HECW1: variants seen among roughly 807,000 people sequenced by gnomAD.
HECW1 encodes the protein E3 ubiquitin-protein ligase HECW1.
HECW1 carries 61 observed loss-of-function variants against 182.3 expected under a neutral mutation model. The ratio of observed to expected loss-of-function variants is 0.33; its 90% CI spans 0.27 to 0.41. The LOEUF (loss-of-function observed/expected upper bound fraction) is 0.41. HECW1 is among the 10% of genes least tolerant of loss of function. HECW1 has a pLI of 1.00. For missense variants in HECW1, 1,739 were observed against 2,108.9 expected, an observed-to-expected ratio of 0.82 and a Z score of 3.44; for synonymous variants, 859 against 832.6, an observed-to-expected ratio of 1.03 and a Z score of -0.55.
At chr7:43,250,923 G>A (rs914702216) in intron 3 of HECW1, among the ~76,000 whole-genome samples, 1 of 152,208 alleles carries the variant, frequency 6.6e-6, no homozygotes, top group Non-Finnish European at 1.5e-5. Context: ...GAGGGCATAT[G>A]ACCTTCAGAT....
intron 2 of HECW1, among the ~76,000 whole-genome samples, chr7:43,166,350 G>C (rs995105939): frequency 6.6e-6 from 1 of 152,170 alleles, no homozygotes; most frequent in South Asian, 2.1e-4. Context: ...CTCCCAAAGT[G>C]CTAAGATTAT....
intron 5 of HECW1, among the ~76,000 whole-genome samples, chr7:43,342,829 T>C (rs1035829131): frequency 5.3e-5 from 8 of 151,230 alleles, no homozygotes; most frequent in Admixed American, 5.3e-4. Flanking sequence ...ATCGAGACCA[T>C]CCTGGCTAAC....
chr7:43,537,953 C>T (rs1351757177), intron 24 of HECW1, among the ~76,000 whole-genome samples: 1 of 152,172 alleles, frequency 6.6e-6, no homozygotes, highest in South Asian at 2.1e-4. Flanking sequence ...GAAACCCCGT[C>T]GCCACACCCC....
intron 8 of HECW1, among the ~76,000 whole-genome samples, chr7:43,425,965 CAG>C (rs972401477): frequency 3.3e-5 from 5 of 152,044 alleles, no homozygotes; most frequent in African/African-American, 9.7e-5. Context: ...TGAGAGAAAA[CAG>C]AGTCATGGGA....
chr7:43,246,674 A>T (rs935035821), intron 3 of HECW1, among the ~76,000 whole-genome samples: 1 of 152,242 alleles, frequency 6.6e-6, no homozygotes, highest in Non-Finnish European at 1.5e-5. Context: ...TCACCCAAAG[A>T]TGGCTTTCTA....
intron 6 of HECW1, among the ~76,000 whole-genome samples, chr7:43,364,663 C>A (rs986096152): frequency 1.3e-5 from 2 of 152,170 alleles, no homozygotes; most frequent in East Asian, 1.9e-4. Flanking sequence ...TACAAAGGCA[C>A]GGGGTGAGAA....
intron 3 of HECW1, among the ~76,000 whole-genome samples, chr7:43,300,673 G>A (rs572649183): frequency 9.2e-5 from 14 of 152,122 alleles, no homozygotes; most frequent in South Asian, 4.2e-4. Flanking sequence ...GTGTTCATCC[G>A]GGGCACTTTG....
chr7:43,456,390 C>G lies in HECW1; in HGVS notation c.2594C>G (p.Thr865Ser). The stretch of plus-strand genomic sequence containing the variant: ...TGGCAGCGTCCGACGGCAGCAGCCA[C>G]CCCGGATGGCATGCGGAGATCGGGG... Reference protein sequence around the residue: ...TTWQRPTAAATPDGMRRSGSI... With the variant: ...TTWQRPTAAASPDGMRRSGSI... Residue 865 changes from threonine to serine, a missense_variant, in exon 13 of 30, where the codon ACC becomes AGC. This residue lies in a region of HECW1 where 971 missense variants were observed against 1,029.1 expected (regional missense o/e 0.94). Transcript: ENST00000395891. The G allele has an allele frequency of 6.2e-7, 1 of 1,614,128 alleles. No individual in the cohort carries two copies. Among genetic ancestry groups the G allele is most frequent in the South Asian group, 1.1e-5 (1 of 91,044 alleles).
At chr7:43,471,786 T>G (rs1413306102) in intron 16 of HECW1, among the ~76,000 whole-genome samples, 1 of 152,164 alleles carries the variant, frequency 6.6e-6, no homozygotes, top group Non-Finnish European at 1.5e-5. Flanking sequence ...AGGCAGCCTC[T>G]GCTAAGGAAT....
intron 2 of HECW1, among the ~76,000 whole-genome samples, chr7:43,210,565 C>T (rs1179107921): frequency 6.6e-6 from 1 of 152,010 alleles, no homozygotes; most frequent in Non-Finnish European, 1.5e-5. Flanking sequence ...TGTTCGCTAA[C>T]CTGGGGTTCT....
At chr7:43,134,012 G>A (rs1787241163) in intron 2 of HECW1, among the ~76,000 whole-genome samples, 1 of 152,040 alleles carries the variant, frequency 6.6e-6, no homozygotes, top group Non-Finnish European at 1.5e-5. Flanking sequence ...GTCCATCTTC[G>A]GAAAATATAA....
intron 3 of HECW1, among the ~76,000 whole-genome samples, chr7:43,277,473 C>A (rs1264581457): frequency 6.6e-6 from 1 of 152,130 alleles, no homozygotes; most frequent in Admixed American, 6.5e-5. Flanking sequence ...GAGGAAGGGG[C>A]TTTACTGGCC....
intron 2 of HECW1, among the ~76,000 whole-genome samples, chr7:43,157,256 CA>C (rs2152652292): frequency 6.6e-6 from 1 of 152,210 alleles, no homozygotes; most frequent in South Asian, 2.1e-4. Context: ...TAGGAAACTC[CA>C]GAGTTTTCAT....
At chr7:43,215,530 G>A (rs1052606609) in intron 2 of HECW1, among the ~76,000 whole-genome samples, 2 of 152,140 alleles carry the variant, frequency 1.3e-5, no homozygotes, top group African/African-American at 2.4e-5. Context: ...AGGTTAAATC[G>A]TTAACAAATG....
intron 3 of HECW1, among the ~76,000 whole-genome samples, chr7:43,311,443 C>T (rs1447334741): frequency 1.3e-5 from 2 of 152,174 alleles, no homozygotes; most frequent in Non-Finnish European, 2.9e-5. Flanking sequence ...GGGGAATAGT[C>T]ACACCTTCAG....
At position 43,442,565 on chromosome 7, in the gene HECW1, T is replaced by G. The variant is rs1488948416; in HGVS notation, c.981T>G (p.Leu327=). The G allele has an allele frequency of 2.5e-6, 4 of 1,613,922 alleles. No homozygotes were observed. In the African/African-American group the frequency reaches 4.0e-5, roughly 16 times the overall value. The part of the protein sequence containing the change: ...RVVSYTLGRR[L]PTDHVSGQLQ... ...TCAGCTACACACTTGGCCGCAGGCTTCCAACAGATCATGTGAGTGGACAGC... is the reference window on the plus strand; with the variant it reads ...TCAGCTACACACTTGGCCGCAGGCTGCCAACAGATCATGTGAGTGGACAGC... The change falls in exon 10 of 30, where the codon CTT becomes CTG. Residue 327 remains leucine, a synonymous_variant. Transcript: ENST00000395891.
At position 43,377,696 on chromosome 7, in the gene HECW1, C is replaced by A. The variant is rs576617993; in HGVS notation, c.555+16716C>A. On this transcript the variant is annotated intron_variant, in intron 6 of 29. Transcript: ENST00000395891. ...TTACTTACAGCAAAGATGGCAGAAG[C>A]CCTTAAGTTAATGAAGTCCCCAGGC... 4 of 204,890 alleles carry A rather than the reference C, an allele frequency of 2.0e-5. No individual in the cohort carries two copies. The South Asian group carries it at 7.6e-4, about 39-fold the overall frequency. The allele number at this position is 204,890 out of a possible 1,614,324, so 12.7% of individuals were successfully genotyped here.
chr7:43,198,994 A>G (rs987579989), intron 2 of HECW1, among the ~76,000 whole-genome samples: 1 of 152,250 alleles, frequency 6.6e-6, no homozygotes, highest in Admixed American at 6.5e-5. Context: ...AAGCTAAACC[A>G]TTTGCCTTCC....
intron 6 of HECW1, among the ~76,000 whole-genome samples, chr7:43,374,773 C>CAAAAAAAAAA (rs66910107): frequency 1.4e-4 from 2 of 14,500 alleles, no homozygotes; most frequent in Non-Finnish European, 1.8e-4. Context: ...GACTCCGTCT[C>CAAAAAAAAAA]AAAAAAAAAA....
Sources: gnomAD v4.1 joint callset for allele counts (sites outside exome capture counted in the v4.1 genomes callset) on GRCh38, gnomAD v4.1.1 for gene constraint, gnomAD v4.1.1 regional missense constraint, MANE v1.5 for transcripts, NCBI Gene and HGNC (gene_info 2026-07-23, HGNC 2026-07-21) for gene names.